The following FARP1 variants were observed in gnomAD, a reference collection of about 807,000 sequenced individuals.
The protein encoded by FARP1 is FERM, ARHGEF and pleckstrin domain-containing protein 1.
A neutral mutation model predicts 128.8 loss-of-function variants in FARP1; 52 were observed. That is an observed-to-expected ratio of 0.40 (90% CI 0.32 to 0.51). The LOEUF (loss-of-function observed/expected upper bound fraction) is 0.51. Among genes scored for constraint, FARP1 ranks in the 20% least tolerant of loss-of-function variants. The pLI, the probability that FARP1 is intolerant of heterozygous loss-of-function variation, is 0.45. For missense variants in FARP1, 1,333 were observed against 1,367.9 expected, an observed-to-expected ratio of 0.97 and a Z score of 0.40; for synonymous variants, 580 against 551.8, an observed-to-expected ratio of 1.05 and a Z score of -0.72.
At chr13:98,306,915 A>T (rs572693816) in intron 2 of FARP1, among the ~76,000 whole-genome samples, 2 of 152,374 alleles carry the variant, frequency 1.3e-5, no homozygotes, top group South Asian at 4.1e-4. Context: ...GTTAACATTC[A>T]TTAAATATTG....
chr13:98,253,517 A>G (rs538549823), intron 2 of FARP1, among the ~76,000 whole-genome samples: 2 of 152,296 alleles, frequency 1.3e-5, no homozygotes, highest in South Asian at 4.1e-4. Context: ...CTTTTAAACT[A>G]TGGCCTGGGT....
intron 2 of FARP1, among the ~76,000 whole-genome samples, chr13:98,288,251 T>C (rs2139654557): frequency 6.6e-6 from 1 of 152,326 alleles, no homozygotes; most frequent in South Asian, 2.1e-4. Context: ...GGTTTGCTTA[T>C]GCATAGCTAA....
At chr13:98,358,439 A>G (rs1479161592) in intron 3 of FARP1, among the ~76,000 whole-genome samples, 1 of 152,090 alleles carries the variant, frequency 6.6e-6, no homozygotes, top group African/African-American at 2.4e-5. Flanking sequence ...GTTGCTTTGT[A>G]TAGGAAAATA....
rs1449264282 is a variant in FARP1 at position 98,176,628 on chromosome 13, G to A, written c.-24+33136G>A. On this transcript the variant is annotated intron_variant, in intron 1 of 26. Coordinates refer to ENST00000319562, the MANE Select transcript of FARP1 (RefSeq NM_005766.4). The surrounding 1 kb of genome is among the most constrained non-coding windows in gnomAD (Gnocchi z 6.2). ...TGCAGCTGTCCCCGAAGCCACAGAAGCCAGTCTCCTTGTAGTCCTTGCAGA... is the reference window on the plus strand; with the variant it reads ...TGCAGCTGTCCCCGAAGCCACAGAAACCAGTCTCCTTGTAGTCCTTGCAGA... 3.7e-6 allele frequency: 6 copies of A among 1,614,134 alleles called. No individual in the cohort carries two copies. In the African/African-American group the frequency reaches 8.0e-5, roughly 22 times the overall value.
At chr13:98,323,268 G>A (rs1310488840) in intron 2 of FARP1, among the ~76,000 whole-genome samples, 1 of 151,952 alleles carries the variant, frequency 6.6e-6, no homozygotes, top group African/African-American at 2.4e-5. Context: ...TTTTAGATTT[G>A]TTGCCACAGT....
At chr13:98,316,678 A>C (rs1056446456) in intron 2 of FARP1, among the ~76,000 whole-genome samples, 10 of 152,202 alleles carry the variant, frequency 6.6e-5, no homozygotes, top group African/African-American at 2.2e-4. Flanking sequence ...TGGATGCCAG[A>C]ACACTGCGTT....
intron 2 of FARP1, among the ~76,000 whole-genome samples, chr13:98,285,094 G>A (rs1885101689): frequency 1.3e-5 from 2 of 152,142 alleles, no homozygotes; most frequent in African/African-American, 2.4e-5. Context: ...TAGCTAAAAG[G>A]TAATGCTGCA....
chr13:98,304,525 G>A (rs781045991), intron 2 of FARP1, among the ~76,000 whole-genome samples: 8 of 152,178 alleles, frequency 5.3e-5, no homozygotes, highest in Non-Finnish European at 1.2e-4. Flanking sequence ...GGCTGGTGGA[G>A]AAGAGGGCTG....
intron 2 of FARP1, among the ~76,000 whole-genome samples, chr13:98,282,293 A>C (rs145416263): frequency 6.6e-6 from 1 of 152,192 alleles, no homozygotes; most frequent in African/African-American, 2.4e-5. Context: ...GTCTCAAAAA[A>C]GGAAAAAACA....
chr13:98,235,205 A>G (rs144477029), intron 2 of FARP1, among the ~76,000 whole-genome samples: 1 of 152,154 alleles, frequency 6.6e-6, no homozygotes, highest in Non-Finnish European at 1.5e-5. Context: ...CACCTTCATC[A>G]GTTTTACAGA....
At chr13:98,223,450 C>T (rs558563336) in intron 2 of FARP1, among the ~76,000 whole-genome samples, 1 of 152,232 alleles carries the variant, frequency 6.6e-6, no homozygotes, top group Non-Finnish European at 1.5e-5. Context: ...CTCAGTCCCC[C>T]GACAGCTGGG....
At chr13:98,276,893 A>AG (rs1884678843) in intron 2 of FARP1, among the ~76,000 whole-genome samples, 4 of 133,524 alleles carry the variant, frequency 3.0e-5, no homozygotes, top group Admixed American at 2.1e-4. Context: ...GGAGGAAGGT[A>AG]AAAAGGGGAA....
chr13:98,240,792 A>G (rs184210285), intron 2 of FARP1, among the ~76,000 whole-genome samples: 1 of 152,338 alleles, frequency 6.6e-6, no homozygotes, highest in African/African-American at 2.4e-5. Flanking sequence ...GTGCGTTTTC[A>G]TCGTGAACAT....
chr13:98,294,751 T>C (rs9517247), intron 2 of FARP1, among the ~76,000 whole-genome samples: 43,313 of 152,022 alleles, frequency 0.28, 7,025 homozygotes, highest in Admixed American at 0.36. Context: ...GCATGGTGGC[T>C]CATGCCTGTA....
chr13:98,373,102 C>T (rs147812417), intron 5 of FARP1, among the ~76,000 whole-genome samples: 7 of 152,244 alleles, frequency 4.6e-5, no homozygotes, highest in Non-Finnish European at 8.8e-5. Flanking sequence ...GGGGGAGTCA[C>T]GTTCTTCCTT....
chr13:98,200,774 AAGTG>A (rs1240596294), intron 1 of FARP1, among the ~76,000 whole-genome samples: 3 of 152,194 alleles, frequency 2.0e-5, no homozygotes, highest in African/African-American at 7.2e-5. Flanking sequence ...AGGGAAGATG[AAGTG>A]AGTATTTTTT....
chr13:98,242,770 A>C (rs1157812098), intron 2 of FARP1, among the ~76,000 whole-genome samples: 1 of 152,254 alleles, frequency 6.6e-6, no homozygotes, highest in Non-Finnish European at 1.5e-5. Context: ...TAATGCATGA[A>C]AGCTTTTGAA....
chr13:98,163,563 A>T (rs534550796), intron 1 of FARP1, among the ~76,000 whole-genome samples: 4 of 149,204 alleles, frequency 2.7e-5, no homozygotes, highest in African/African-American at 9.8e-5. Flanking sequence ...TTGAGATGGG[A>T]TCTCACTCTG....
intron 3 of FARP1, among the ~76,000 whole-genome samples, chr13:98,360,124 T>G (rs1888809936): frequency 3.8e-5 from 5 of 130,696 alleles, no homozygotes; most frequent in Admixed American, 8.8e-5. Flanking sequence ...TGAGATGGAG[T>G]CTCCTCTGTC....
Sources: gnomAD v4.1 joint callset for allele counts (sites outside exome capture counted in the v4.1 genomes callset) on GRCh38, gnomAD v4.1.1 for gene constraint, Gnocchi (gnomAD v3.1) non-coding constraint, MANE v1.5 for transcripts, NCBI Gene and HGNC (gene_info 2026-07-23, HGNC 2026-07-21) for gene names.